Variants in MACO1 observed in about 807,000 individuals in gnomAD.
The protein encoded by MACO1 is macoilin.
In MACO1, 14 loss-of-function variants were observed where a neutral mutation model predicts 78.7. The observed-to-expected ratio is 0.18, with a 90% CI of 0.12 to 0.28. The LOEUF is 0.28. MACO1 is among the 10% of genes least tolerant of loss of function. The pLI, the probability that MACO1 is intolerant of heterozygous loss-of-function variation, is 1.00. For missense variants in MACO1, 501 were observed against 799.0 expected (o/e 0.63, Z 4.50); for synonymous variants, 288 against 291.6 (o/e 0.99, Z 0.12).
intron 6 of MACO1, among the ~76,000 whole-genome samples, chr1:25,465,188 G>A (rs917741169): frequency 3.9e-5 from 6 of 152,084 alleles, no homozygotes; most frequent in East Asian, 3.8e-4. Context: ...TGGATATACC[G>A]CAAGTTTATC....
Position 25,458,766 on chromosome 1 carries a change from T to C in MACO1, c.1028T>C (p.Ile343Thr). Residue 343 changes from isoleucine to threonine, a missense_variant, in exon 6 of 11, where the codon ATT (isoleucine) becomes ACT (threonine). By Grantham distance (89) the Ile-to-Thr change is moderately conservative. Around this residue, in one of 5 missense-constraint regions of MACO1, gnomAD observed 163 missense variants for 271.9 expected, o/e 0.60. Transcript: ENST00000374343. Reference sequence around the variant, plus strand: ...AGTCATAGCGCCACAAATGGGAGCATTCCTTCCTCATCTAGTAAAAATGAG... The same window carrying C: ...AGTCATAGCGCCACAAATGGGAGCACTCCTTCCTCATCTAGTAAAAATGAG... Reference protein sequence around the residue: ...PRSHSATNGSIPSSSSKNEKK... With the variant: ...PRSHSATNGSTPSSSSKNEKK... 1 of 1,614,122 alleles carries C rather than the reference T, an allele frequency of 6.2e-7. No homozygotes were observed. Among genetic ancestry groups the C allele is most frequent in the African/African-American group, 1.3e-5 (1 of 75,038 alleles).
chr1:25,431,652 A>G (rs1158946440), intron 1 of MACO1, among the ~76,000 whole-genome samples: 4 of 151,984 alleles, frequency 2.6e-5, no homozygotes, highest in Non-Finnish European at 5.9e-5. Flanking sequence ...GACAAAGTTG[A>G]GAGCCCACTG....
At chr1:25,453,548 A>T (rs1274584635) in intron 3 of MACO1, among the ~76,000 whole-genome samples, 1 of 150,524 alleles carries the variant, frequency 6.6e-6, no homozygotes, top group Non-Finnish European at 1.5e-5. Flanking sequence ...CTATAGTCCC[A>T]GCTATTTGAG....
At chr1:25,470,451 A>G (rs2043257445) in intron 6 of MACO1, among the ~76,000 whole-genome samples, 1 of 152,206 alleles carries the variant, frequency 6.6e-6, no homozygotes, top group South Asian at 2.1e-4. Context: ...CATTGGGTTG[A>G]AGCAAGACAG....
In MACO1 at chr1:25,462,548, C is replaced by T. The variant is rs72871903; in HGVS notation, c.1154+3656C>T. Among the ~76,000 whole-genome samples, 771 of 152,238 alleles carry T rather than the reference C, an allele frequency of 5.1e-3. 5 individuals are homozygous for T. Among genetic ancestry groups the T allele is most frequent in the African/African-American group, 0.018 (732 of 41,530 alleles). ...TCTACCCTTTTCTAAGTGTTGAAGA[C>T]AAAATTTGAAAACCAGTACTATATT... On this transcript the variant is annotated intron_variant, in intron 6 of 10. Transcript: ENST00000374343.
At chr1:25,462,983 C>G (rs1244119505) in intron 6 of MACO1, among the ~76,000 whole-genome samples, 1 of 152,198 alleles carries the variant, frequency 6.6e-6, no homozygotes, top group Non-Finnish European at 1.5e-5. Context: ...TGCTTTCGTG[C>G]TACAGTGGCA....
At chr1:25,445,253 C>T (rs752438753) in intron 1 of MACO1, among the ~76,000 whole-genome samples, 2 of 149,946 alleles carry the variant, frequency 1.3e-5, no homozygotes, top group Admixed American at 6.7e-5. Context: ...GAGCTATGAT[C>T]GTGCCATTGC....
chr1:25,434,546 T>A lies in MACO1; in HGVS notation c.80+3368T>A, dbSNP rs187556097. 9.5e-4 allele frequency among the ~76,000 whole-genome samples: 145 copies of A among 152,306 alleles called. 2 individuals are homozygous for A. Among genetic ancestry groups the A allele is most frequent in the African/African-American group, 3.4e-3 (140 of 41,572 alleles). ...TTAGAGTTTCCAAAGAACTTTAAGTTCTGTTCAAGTAAAAATATTTCTGTT... is the reference window on the plus strand; with the variant it reads ...TTAGAGTTTCCAAAGAACTTTAAGTACTGTTCAAGTAAAAATATTTCTGTT... On this transcript the variant is annotated intron_variant, in intron 1 of 10. Transcript: ENST00000374343.
rs780045878 is a variant in MACO1 at position 25,484,162 on chromosome 1, A to G, written c.1201A>G (p.Arg401Gly). The G allele has an allele frequency of 1.2e-6, 2 of 1,613,890 alleles. No individual in the cohort carries two copies. Among genetic ancestry groups the G allele is most frequent in the Non-Finnish European group, 1.7e-6 (2 of 1,179,996 alleles). ...KKLKADLQAS[R>G]QVEQELRSQI... is the part of the protein sequence containing the mutation. The stretch of plus-strand genomic sequence containing the variant: ...GTTAAAGGCTGACCTGCAAGCCAGC[A>G]GACAAGTGGAACAAGAGCTCCGCAG... Residue 401 changes from arginine (R) to glycine (G), a missense_variant, in exon 7 of 11, where the codon AGA (arginine) becomes GGA (glycine). This residue lies in a region of MACO1 where 163 missense variants were observed against 271.9 expected (regional missense o/e 0.60). Coordinates refer to ENST00000374343, the MANE Select transcript of MACO1 (RefSeq NM_018202.6).
intron 3 of MACO1, among the ~76,000 whole-genome samples, chr1:25,450,332 C>T (rs1312566553): frequency 6.6e-6 from 1 of 152,166 alleles, no homozygotes; most frequent in East Asian, 1.9e-4. Context: ...GAGCTCCCTA[C>T]TTCTTAGAGC....
At chr1:25,491,368 C>G in intron 9 of MACO1, 42 bp from the exon 10 acceptor site, 8 of 1,608,480 alleles carry the variant, frequency 5.0e-6, no homozygotes, top group Non-Finnish European at 6.8e-6. Context: ...ACATCGATGC[C>G]AAAACTACCT....
intron 6 of MACO1, among the ~76,000 whole-genome samples, chr1:25,469,516 T>C (rs2043248539): frequency 1.3e-5 from 2 of 152,316 alleles, no homozygotes; most frequent in South Asian, 2.1e-4. Context: ...GACTAGACTT[T>C]CCTGATGGCA....
intron 6 of MACO1, among the ~76,000 whole-genome samples, chr1:25,472,203 T>G (rs941823741): frequency 6.6e-6 from 1 of 151,954 alleles, no homozygotes; most frequent in Non-Finnish European, 1.5e-5. Context: ...AAAAAATATA[T>G]ATATTATACT....
chr1:25,454,070 ATTT>A (rs1371722171), intron 3 of MACO1, among the ~76,000 whole-genome samples, 186 bp from the exon 4 acceptor site: 1 of 151,894 alleles, frequency 6.6e-6, no homozygotes, highest in Non-Finnish European at 1.5e-5. Flanking sequence ...TTTGTCTTTT[ATTT>A]TTGTCAGCGA....
intron 6 of MACO1, among the ~76,000 whole-genome samples, chr1:25,461,574 T>C (rs2043172728): frequency 1.4e-5 from 2 of 147,702 alleles, no homozygotes; most frequent in African/African-American, 5.0e-5. Context: ...TTCTCTTCCT[T>C]CCCCCCCCTC....
At position 25,431,019 on chromosome 1, in the gene MACO1, C is replaced by T; in HGVS notation, c.-80C>T. On this transcript the variant is annotated 5_prime_UTR_variant, in exon 1 of 11. In the 5' UTR this introduces an upstream ATG that the reference lacks. Transcript: ENST00000374343. Reference sequence around the variant, plus strand: ...CCTCAGGGGTAGAGTCCAGGCCCGACGCGGGGCGGGCCAGCGGCGGCGGCA... The same window carrying T: ...CCTCAGGGGTAGAGTCCAGGCCCGATGCGGGGCGGGCCAGCGGCGGCGGCA... 4 of 1,268,060 alleles carry T rather than the reference C, an allele frequency of 3.2e-6. No individual in the cohort carries two copies. The highest frequency in any genetic ancestry group is 2.9e-5 in the East Asian group (1 of 35,066). The allele number at this position is 1,268,060 out of a possible 1,614,324, so 78.6% of individuals were successfully genotyped here.
chr1:25,458,929 A>G, intron 6 of MACO1, 37 bp downstream of exon 6: 2 of 1,578,304 alleles, frequency 1.3e-6, no homozygotes, highest in Non-Finnish European at 8.6e-7. Context: ...AACACTTTCC[A>G]GTAAACTTGA....
In MACO1 at chr1:25,448,819, AT is replaced by A; in HGVS notation, c.240del (p.Phe80LeufsTer4). On this transcript the variant is annotated frameshift_variant, in exon 3 of 11. Transcript: ENST00000374343. LOFTEE classifies it high-confidence loss of function. ...ATTTTTCCCTTTAGGCCTTCTCAGT[AT>A]TTTTTGTTTGTGTAGCATTCACGTC... ...FRYQGLAFSV[F>X]FVCVAFTSNI... is the part of the protein sequence containing the mutation. 2 of 1,545,958 alleles carry A rather than the reference AT, an allele frequency of 1.3e-6. No individual in the cohort carries two copies. The highest frequency in any genetic ancestry group is 2.5e-5 in the South Asian group (2 of 79,716).
chr1:25,437,925 A>G (rs1437925333), intron 1 of MACO1, among the ~76,000 whole-genome samples: 1 of 152,210 alleles, frequency 6.6e-6, no homozygotes, highest in African/African-American at 2.4e-5. Context: ...TGTGTCAAAA[A>G]AAGAGAATTG....
Sources: gnomAD v4.1 joint callset for allele counts (sites outside exome capture counted in the v4.1 genomes callset) on GRCh38, gnomAD v4.1.1 for gene constraint, gnomAD v4.1.1 regional missense constraint, MANE v1.5 for transcripts, NCBI Gene and HGNC (gene_info 2026-07-23, HGNC 2026-07-21) for gene names.